Variants in TNR observed in about 807,000 individuals in gnomAD.
TNR encodes the protein tenascin R, also known as tenascin-R.
TNR carries 45 observed loss-of-function variants against 150.4 expected under a neutral mutation model. That is an observed-to-expected ratio of 0.30 (90% CI 0.24 to 0.38). The LOEUF is 0.38. Ranked by LOEUF, TNR falls within the 10% of genes least tolerant of loss-of-function variation. The pLI is 1.00. For synonymous variants in TNR, 687 were observed against 678.4 expected (o/e 1.01, Z -0.20); for missense variants, 1,544 against 1,759.1 (o/e 0.88, Z 2.19).
chr1:175,427,181 C>T lies in TNR; in HGVS notation c.-63-20404G>A, dbSNP rs117003462. 4.7e-3 allele frequency among the ~76,000 whole-genome samples: 706 copies of T among 151,050 alleles called. 1 individual carries two copies. The highest frequency in any genetic ancestry group is 8.0e-3 in the Non-Finnish European group (541 of 67,842). Reference sequence around the variant, plus strand: ...GTCACCCACTTAATAGGTTTCATGACCCACCAAGACATAACAACCCACAGC... The same window carrying T: ...GTCACCCACTTAATAGGTTTCATGATCCACCAAGACATAACAACCCACAGC... On this transcript the variant is annotated intron_variant, in intron 2 of 22. Coordinates refer to ENST00000367674, the MANE Select transcript of TNR (RefSeq NM_003285.3).
chr1:175,426,389 G>A (rs889443232), intron 2 of TNR, among the ~76,000 whole-genome samples: 3 of 152,078 alleles, frequency 2.0e-5, no homozygotes, highest in Non-Finnish European at 4.4e-5. Flanking sequence ...AGGTGCTGTC[G>A]CTGCTTCCCA....
At chr1:175,344,926 G>A (rs1300699049) in intron 18 of TNR, among the ~76,000 whole-genome samples, 1 of 152,044 alleles carries the variant, frequency 6.6e-6, no homozygotes, top group Non-Finnish European at 1.5e-5. Flanking sequence ...TGCCAACATG[G>A]TGAAACCCTG....
At chr1:175,469,744 G>T (rs1657200908) in intron 2 of TNR, among the ~76,000 whole-genome samples, 1 of 152,054 alleles carries the variant, frequency 6.6e-6, no homozygotes, top group African/African-American at 2.4e-5. Context: ...CTCTCTACTG[G>T]TCTTAAATAT....
At chr1:175,423,037 G>A (rs192572511) in intron 2 of TNR, among the ~76,000 whole-genome samples, 4 of 152,240 alleles carry the variant, frequency 2.6e-5, no homozygotes, top group African/African-American at 4.8e-5. Context: ...TTCCATTCTC[G>A]GGCTTTATGA....
intron 2 of TNR, among the ~76,000 whole-genome samples, chr1:175,441,198 A>G (rs1655774233): frequency 6.6e-6 from 1 of 152,176 alleles, no homozygotes; most frequent in Non-Finnish European, 1.5e-5. Flanking sequence ...AGTGAACTGC[A>G]GGTCTGCCAA....
intron 1 of TNR, among the ~76,000 whole-genome samples, chr1:175,575,972 C>A (rs1052698960): frequency 6.6e-6 from 1 of 152,150 alleles, no homozygotes; most frequent in East Asian, 1.9e-4. Flanking sequence ...CTAGGGGCTG[C>A]GATTCGAGAC....
intron 1 of TNR, among the ~76,000 whole-genome samples, chr1:175,682,224 A>T (rs1051795883): frequency 6.6e-6 from 1 of 152,206 alleles, no homozygotes; most frequent in African/African-American, 2.4e-5. Context: ...TTACTAACTG[A>T]CTATGCTCAC....
At chr1:175,430,637 G>A (rs950803755) in intron 2 of TNR, among the ~76,000 whole-genome samples, 5 of 152,248 alleles carry the variant, frequency 3.3e-5, no homozygotes, top group Admixed American at 2.6e-4. Context: ...TTAGAATGTA[G>A]GTCTCCTAAA....
chr1:175,630,671 C>A (rs1220618771), intron 1 of TNR, among the ~76,000 whole-genome samples: 3 of 152,198 alleles, frequency 2.0e-5, no homozygotes, highest in Non-Finnish European at 2.9e-5. Context: ...TTAGGAGAAT[C>A]CCTTTCCTAC....
At chr1:175,566,273 A>G (rs1372916141) in intron 1 of TNR, among the ~76,000 whole-genome samples, 1 of 152,262 alleles carries the variant, frequency 6.6e-6, no homozygotes, top group Non-Finnish European at 1.5e-5. Flanking sequence ...GTAGTTTACT[A>G]GCAATCCCAA....
chr1:175,406,845 G>A, intron 2 of TNR, 68 bp from the exon 3 acceptor site: 5 of 1,243,952 alleles, frequency 4.0e-6, no homozygotes, highest in African/African-American at 1.5e-5. Context: ...CTCTGCACAA[G>A]CCTACAAAGC....
rs980046894 is a variant in TNR at position 175,323,202 on chromosome 1, A to G, written c.*155T>C. ...CTCCAGGGCAGCAGAAACCAAGAGCAGATGTTAGCCAGCGGATTCCTGCGA... is the reference window on the plus strand; with the variant it reads ...CTCCAGGGCAGCAGAAACCAAGAGCGGATGTTAGCCAGCGGATTCCTGCGA... On this transcript the variant is annotated 3_prime_UTR_variant, in exon 23 of 23. Transcript: ENST00000367674. 17 of 966,406 alleles carry G rather than the reference A, an allele frequency of 1.8e-5. No individual in the cohort carries two copies. The highest frequency in any genetic ancestry group is 1.9e-5 in the Non-Finnish European group (13 of 678,678). The allele number at this position is 966,406 out of a possible 1,614,324, so 59.9% of individuals were successfully genotyped here.
chr1:175,692,404 G>T (rs974191374), intron 1 of TNR, among the ~76,000 whole-genome samples: 2 of 152,248 alleles, frequency 1.3e-5, no homozygotes, highest in African/African-American at 4.8e-5. Context: ...TTCCAAGATG[G>T]ACCAAATATA....
At chr1:175,376,762 C>T (rs181135884) in intron 9 of TNR, among the ~76,000 whole-genome samples, 16 of 151,808 alleles carry the variant, frequency 1.1e-4, no homozygotes, top group African/African-American at 3.6e-4. Flanking sequence ...CCTTATGTGC[C>T]AATAATCCCT....
chr1:175,622,740 A>T (rs376540362), intron 1 of TNR, among the ~76,000 whole-genome samples: 2 of 152,246 alleles, frequency 1.3e-5, no homozygotes, highest in African/African-American at 4.8e-5. Flanking sequence ...TATGGAAGCT[A>T]AAAGTCCTAA....
intron 2 of TNR, among the ~76,000 whole-genome samples, chr1:175,470,154 A>G (rs1450390275): frequency 6.6e-6 from 1 of 152,156 alleles, no homozygotes; most frequent in East Asian, 1.9e-4. Context: ...TCTACAGAGA[A>G]CTCGAATAAG....
chr1:175,724,555 T>C (rs536713159), intron 1 of TNR, among the ~76,000 whole-genome samples: 2 of 152,258 alleles, frequency 1.3e-5, no homozygotes, highest in South Asian at 4.2e-4. Context: ...ATCCGAACCA[T>C]ATCAGGGGTG....
chr1:175,510,588 T>A (rs964502719), intron 2 of TNR, among the ~76,000 whole-genome samples: 1 of 152,200 alleles, frequency 6.6e-6, no homozygotes, highest in African/African-American at 2.4e-5. Context: ...AGTCAAATAA[T>A]GTCCCTATAA....
intron 1 of TNR, among the ~76,000 whole-genome samples, chr1:175,637,229 T>C (rs1664513467): frequency 1.3e-5 from 2 of 152,214 alleles, no homozygotes; most frequent in African/African-American, 4.8e-5. Context: ...TGATCCCTGA[T>C]AAATAGCATG....
Sources: gnomAD v4.1 joint callset for allele counts (sites outside exome capture counted in the v4.1 genomes callset) on GRCh38, gnomAD v4.1.1 for gene constraint, MANE v1.5 for transcripts, NCBI Gene and HGNC (gene_info 2026-07-23, HGNC 2026-07-21) for gene names.